Variants in TENM4 observed in about 807,000 individuals in gnomAD.
The protein encoded by TENM4 is teneurin transmembrane protein 4.
A neutral mutation model predicts 243.3 loss-of-function variants in TENM4; 82 were observed. That is an observed-to-expected ratio of 0.34 (90% confidence interval 0.28 to 0.40). The LOEUF is 0.40. Among genes scored for constraint, TENM4 ranks in the 10% least tolerant of loss-of-function variants. The pLI, the probability that TENM4 is intolerant of heterozygous loss-of-function variation, is 1.00. For missense variants in TENM4, 3,138 were observed against 3,673.3 expected (o/e 0.85, Z 3.77); for synonymous variants, 1,412 against 1,456.3 (o/e 0.97, Z 0.69).
At chr11:79,041,501 A>AAAAG in intron 6 of TENM4, among the ~76,000 whole-genome samples, 1 of 151,718 alleles carries the variant, frequency 6.6e-6, no homozygotes, top group African/African-American at 2.4e-5. Flanking sequence ...ACTCAAAAAA[A>AAAAG]AAAAAAATCG....
In TENM4 at chr11:78,656,963, C is replaced by T; in HGVS notation, c.*1095G>A. The T allele has an allele frequency of 2.5e-6, 1 of 398,504 alleles. No homozygotes were observed. The highest frequency in any genetic ancestry group is 4.4e-6 in the Non-Finnish European group (1 of 226,086). 24.7% of individuals were successfully genotyped at this position (398,504 alleles called of 1,614,324 possible). Reference sequence around the variant, plus strand: ...TTTTCCAGAATCAAAGGCCACCAAGCACCTCCCTCCACATTCCTACGTCTC... The same window carrying T: ...TTTTCCAGAATCAAAGGCCACCAAGTACCTCCCTCCACATTCCTACGTCTC... On this transcript the variant is annotated 3_prime_UTR_variant, in exon 34 of 34. Transcript: ENST00000278550.
intron 3 of TENM4, among the ~76,000 whole-genome samples, chr11:79,163,973 ATAG>A (rs1372976247): frequency 4.0e-4 from 54 of 133,628 alleles, no homozygotes; most frequent in African/African-American, 1.4e-3. Context: ...ATATCTATAT[ATAG>A]TGTATATATA....
chr11:78,722,564 C>T, intron 24 of TENM4, 104 bp downstream of exon 24: 8 of 1,463,246 alleles, frequency 5.5e-6, no homozygotes, highest in Non-Finnish European at 7.4e-6. Flanking sequence ...GGGCAAGGCT[C>T]TGTCCTATCC....
chr11:79,232,789 G>A (rs753563022), intron 2 of TENM4, among the ~76,000 whole-genome samples: 25 of 152,216 alleles, frequency 1.6e-4, no homozygotes, highest in Non-Finnish European at 3.2e-4. Context: ...GCCAGAAAAG[G>A]AGGTGAATCA....
chr11:78,923,693 CTTTTTTTTT>C lies in TENM4; in HGVS notation c.494-20179_494-20171del, dbSNP rs1172776088. ...GCTGGGATGACAGGCATGCACCTGG[CTTTTTTTTT>C]TTTTTTTTTTTTTTTAAAGTAGAGA... On this transcript the variant is annotated intron_variant, in intron 6 of 33. Transcript: ENST00000278550. Among the ~76,000 whole-genome samples, 10 of 53,678 alleles carry C rather than the reference CTTTTTTTTT, an allele frequency of 1.9e-4. 1 individual carries two copies. The South Asian group carries it at 5.5e-3, about 30-fold the overall frequency. 35.2% of individuals were successfully genotyped at this position (53,678 alleles called of 152,430 possible).
intron 6 of TENM4, among the ~76,000 whole-genome samples, chr11:79,050,108 C>T (rs565863603): frequency 6.6e-6 from 1 of 152,250 alleles, no homozygotes; most frequent in Non-Finnish European, 1.5e-5. Context: ...GGCTCAGGTG[C>T]CCTGGACTGG....
chr11:78,896,172 G>A (rs778281361), intron 7 of TENM4, among the ~76,000 whole-genome samples: 7 of 152,178 alleles, frequency 4.6e-5, no homozygotes, highest in South Asian at 2.1e-4. Context: ...GTCCTGGGCC[G>A]TGTTTCCACC....
intron 20 of TENM4, among the ~76,000 whole-genome samples, chr11:78,734,787 C>CAA (rs1393488542): frequency 6.6e-6 from 1 of 152,116 alleles, no homozygotes; most frequent in Non-Finnish European, 1.5e-5. Context: ...GCTCTCTGGC[C>CAA]CAGGGACATT....
intron 6 of TENM4, among the ~76,000 whole-genome samples, chr11:78,913,273 G>A (rs1856232610): frequency 6.6e-6 from 1 of 151,958 alleles, no homozygotes; most frequent in Admixed American, 6.6e-5. Flanking sequence ...TATATGCCTT[G>A]TCCTCGATAC....
intron 4 of TENM4, among the ~76,000 whole-genome samples, chr11:79,086,807 C>A (rs1415117959): frequency 7.7e-6 from 1 of 129,498 alleles, no homozygotes; most frequent in Non-Finnish European, 1.5e-5. Flanking sequence ...GCACTCCAGC[C>A]TGGGTGACAG....
chr11:78,804,719 G>C (rs1857353171), intron 15 of TENM4, among the ~76,000 whole-genome samples: 1 of 152,222 alleles, frequency 6.6e-6, no homozygotes, highest in Non-Finnish European at 1.5e-5. Context: ...AGCAGGTGCT[G>C]TGGGTCAGGC....
intron 3 of TENM4, among the ~76,000 whole-genome samples, chr11:79,157,645 T>G (rs1862650878): frequency 6.6e-6 from 1 of 152,212 alleles, no homozygotes; most frequent in Non-Finnish European, 1.5e-5. Context: ...GCTGTGTGTC[T>G]GCCTGGAACA....
intron 28 of TENM4, among the ~76,000 whole-genome samples, chr11:78,697,045 G>A (rs896744228): frequency 8.5e-5 from 13 of 152,168 alleles, no homozygotes; most frequent in Middle Eastern, 3.2e-3. Context: ...AGCAGCTGCT[G>A]TGACCTTCCC....
chr11:78,765,922 A>G (rs994540930), intron 18 of TENM4, among the ~76,000 whole-genome samples: 5 of 152,252 alleles, frequency 3.3e-5, no homozygotes, highest in Admixed American at 2.6e-4. Flanking sequence ...AGAAAATGAA[A>G]AAGATGAAAA....
chr11:78,889,965 C>A lies in TENM4; in HGVS notation c.904G>T (p.Gly302Trp). ...ACTGTGCTGGACGTCAGTGGGTACC[C>A]TGGTGATGTGGTGCAGAAGAGCGGG... ...TSPLFCTTSP[G>W]YPLTSSTVYS... The change falls in exon 9 of 34, where the codon GGG becomes TGG. Residue 302 changes from glycine (G) to tryptophan (W), a missense_variant. Gly to Trp is a radical substitution (Grantham distance 184). This residue lies in a region of TENM4 where 671 missense variants were observed against 614.1 expected (regional missense o/e 1.09). Transcript: ENST00000278550. 6.4e-7 allele frequency: 1 copy of A among 1,551,396 alleles called. No homozygotes were observed. Among genetic ancestry groups the A allele is most frequent in the Non-Finnish European group, 8.7e-7 (1 of 1,146,868 alleles).
intron 6 of TENM4, among the ~76,000 whole-genome samples, chr11:78,936,130 T>A (rs1414903050): frequency 6.6e-6 from 1 of 152,234 alleles, no homozygotes; most frequent in African/African-American, 2.4e-5. Flanking sequence ...AGGGCTGGAA[T>A]GCATCTTATG....
At position 78,657,620 on chromosome 11, in the gene TENM4, C is replaced by T; in HGVS notation, c.*438G>A. 1 of 356,168 alleles carries T rather than the reference C, an allele frequency of 2.8e-6. No individual in the cohort carries two copies. Among genetic ancestry groups the T allele is most frequent in the Admixed American group, 4.4e-5 (1 of 22,868 alleles). 22.1% of individuals were successfully genotyped at this position (356,168 alleles called of 1,614,324 possible). A position where few individuals can be genotyped will look rare whatever the true frequency, so the allele number is the denominator to read the frequency against. On this transcript the variant is annotated 3_prime_UTR_variant, in exon 34 of 34. Coordinates refer to ENST00000278550, the MANE Select transcript of TENM4 (RefSeq NM_001098816.3). ...GGGTGTTGTACTGGCCCATCACTCCCTTTACTCCTGCCCGACCCCAGTCGA... is the reference window on the plus strand; with the variant it reads ...GGGTGTTGTACTGGCCCATCACTCCTTTTACTCCTGCCCGACCCCAGTCGA...
chr11:79,306,649 A>G (rs550632763), intron 1 of TENM4, among the ~76,000 whole-genome samples: 2 of 152,326 alleles, frequency 1.3e-5, no homozygotes, highest in East Asian at 3.9e-4. Context: ...TGCCCCTGGT[A>G]GTGTGCATTA....
chr11:79,392,502 CAT>C (rs1858255949), intron 1 of TENM4, among the ~76,000 whole-genome samples: 1 of 152,200 alleles, frequency 6.6e-6, no homozygotes, highest in African/African-American at 2.4e-5. Context: ...TATACACCCA[CAT>C]GTTTCTTTGT....
Sources: allele counts gnomAD v4.1 joint callset (sites outside exome capture counted in the v4.1 genomes callset), GRCh38; gene constraint gnomAD v4.1.1; regional missense constraint gnomAD v4.1.1; transcripts MANE v1.5; gene names NCBI Gene and HGNC (gene_info 2026-07-23, HGNC 2026-07-21).